NSD1: variants seen among roughly 807,000 people sequenced by gnomAD.
NSD1 encodes the protein histone-lysine N-methyltransferase, H3 lysine-36 specific.
Under a neutral mutation model 242.7 loss-of-function variants are expected in NSD1, and 26 were observed. That is an observed-to-expected ratio of 0.11 (90% CI 0.08 to 0.15). The LOEUF (loss-of-function observed/expected upper bound fraction) is 0.15, where lower values mean the gene tolerates loss of function less well. Among genes scored for constraint, NSD1 ranks in the 10% least tolerant of loss-of-function variants. The pLI, the probability that NSD1 is intolerant of heterozygous loss-of-function variation, is 1.00. For missense variants in NSD1, 2,495 were observed against 3,272.8 expected (o/e 0.76, Z 5.80); for synonymous variants, 1,106 against 1,178.1 (o/e 0.94, Z 1.25).
chr5:177,204,375 A>G, intron 4 of NSD1, 83 bp downstream of exon 4: 2 of 1,320,138 alleles, frequency 1.5e-6, no homozygotes, highest in East Asian at 2.4e-5. Context: ...TATTTTCGAG[A>G]CAGAACTTTG....
chr5:177,230,805 C>T (rs978983988), intron 5 of NSD1, among the ~76,000 whole-genome samples: 12 of 150,482 alleles, frequency 8.0e-5, no homozygotes, highest in Non-Finnish European at 1.6e-4. Flanking sequence ...TCAGCCTGGG[C>T]GACAAAGCGA....
intron 3 of NSD1, among the ~76,000 whole-genome samples, chr5:177,192,467 G>C (rs755763155): frequency 2.6e-5 from 4 of 152,050 alleles, no homozygotes; most frequent in Non-Finnish European, 5.9e-5. Context: ...CGTGATCTCA[G>C]CTTACCGCAA....
At chr5:177,264,106 G>A (rs1425023161) in intron 14 of NSD1, among the ~76,000 whole-genome samples, 1 of 137,206 alleles carries the variant, frequency 7.3e-6, no homozygotes, top group East Asian at 2.0e-4. Flanking sequence ...CGCTATCTTG[G>A]CTCACTGCAA....
At chr5:177,201,411 C>A (rs547582410) in intron 3 of NSD1, among the ~76,000 whole-genome samples, 6 of 152,220 alleles carry the variant, frequency 3.9e-5, no homozygotes, top group Non-Finnish European at 8.8e-5. Flanking sequence ...CAAACTCTTA[C>A]AAGTCTGGTT....
At chr5:177,172,178 A>G (rs1338952637) in intron 2 of NSD1, among the ~76,000 whole-genome samples, 1 of 152,176 alleles carries the variant, frequency 6.6e-6, no homozygotes, top group African/African-American at 2.4e-5. Flanking sequence ...TGATGTCACT[A>G]TAAACACTTT....
intron 2 of NSD1, among the ~76,000 whole-genome samples, chr5:177,186,111 T>C (rs1009098068): frequency 5.7e-5 from 7 of 123,278 alleles, no homozygotes; most frequent in African/African-American, 2.1e-4. Flanking sequence ...TTATATTATA[T>C]GTATATTTAT....
chr5:177,255,385 TA>T (rs1179421966), intron 12 of NSD1, among the ~76,000 whole-genome samples: 1 of 152,118 alleles, frequency 6.6e-6, no homozygotes, highest in Admixed American at 6.6e-5. Flanking sequence ...ATATTGTTCT[TA>T]AAATATTTAT....
rs398124388 is a variant in NSD1 at position 177,295,147 on chromosome 5, C to A, written c.7779C>A (p.Ala2593=). 2 of 1,614,100 alleles carry A rather than the reference C, an allele frequency of 1.2e-6. No homozygotes were observed. The change falls in exon 23 of 23, where the codon GCC becomes GCA. Residue 2593 remains alanine, a synonymous_variant. Coordinates refer to ENST00000439151, the MANE Select transcript of NSD1 (RefSeq NM_022455.5). The surrounding 1 kb of genome is among the most constrained non-coding windows in gnomAD (Gnocchi z 4.3). ...GAGGCCAGCAACTACCTGCACTTGC[C>A]GCCAAGAGTGGGCAATCTTTTAGGT... ...MVGGQQLPAL[A]AKSGQSFRSL...
intron 3 of NSD1, among the ~76,000 whole-genome samples, chr5:177,192,633 C>T (rs758960845): frequency 2.0e-5 from 3 of 152,122 alleles, no homozygotes; most frequent in Non-Finnish European, 2.9e-5. Context: ...CGACCTCAGG[C>T]GATCTGCCTG....
intron 2 of NSD1, among the ~76,000 whole-genome samples, chr5:177,175,515 C>A (rs766614892): frequency 1.3e-5 from 2 of 151,826 alleles, no homozygotes; most frequent in African/African-American, 2.4e-5. Context: ...TTAGTCCCAG[C>A]GACTTGGTGG....
intron 6 of NSD1, among the ~76,000 whole-genome samples, chr5:177,237,046 T>A (rs1339420123): frequency 6.6e-6 from 1 of 152,132 alleles, no homozygotes; most frequent in Non-Finnish European, 1.5e-5. Context: ...TCCCACTATG[T>A]TGCCCTGGCT....
chr5:177,271,329 A>C (rs1259925707), intron 16 of NSD1, among the ~76,000 whole-genome samples: 1 of 152,166 alleles, frequency 6.6e-6, no homozygotes, highest in Non-Finnish European at 1.5e-5. Flanking sequence ...AATCATAATA[A>C]TAATAGTTAG....
At chr5:177,236,502 C>A (rs1057496898) in intron 6 of NSD1, among the ~76,000 whole-genome samples, 1 of 152,202 alleles carries the variant, frequency 6.6e-6, no homozygotes, top group Non-Finnish European at 1.5e-5. Context: ...CATACCAGGA[C>A]TCAATCTAGG....
At chr5:177,230,484 C>A (rs913508973) in intron 5 of NSD1, among the ~76,000 whole-genome samples, 1 of 152,044 alleles carries the variant, frequency 6.6e-6, no homozygotes, top group African/African-American at 2.4e-5. Context: ...TGAGAAGTTA[C>A]TCTATGAGAG....
chr5:177,135,270 C>T lies in NSD1; in HGVS notation c.167C>T (p.Thr56Ile), dbSNP rs773358220. 6.2e-7 allele frequency: 1 copy of T among 1,613,848 alleles called. No individual in the cohort carries two copies. The highest frequency in any genetic ancestry group is 8.5e-7 in the Non-Finnish European group (1 of 1,179,712). Reference protein sequence around the residue: ...CTMQLSTVSGTSQNAYGQDSP... With the variant: ...CTMQLSTVSGISQNAYGQDSP... ...ATGCAGTTATCGACTGTCAGTGGAA[C>T]ATCCCAAAATGCTTATGGACAAGAT... is the stretch of plus-strand genomic sequence containing the variant. Residue 56 changes from threonine (T) to isoleucine (I), a missense_variant, in exon 2 of 23, where the codon ACA (threonine) becomes ATA (isoleucine). Thr to Ile is a moderately conservative substitution (Grantham distance 89, BLOSUM62 -1). Around this residue, in one of 19 missense-constraint regions of NSD1, gnomAD observed 376 missense variants for 367.4 expected, o/e 1.02. Coordinates refer to ENST00000439151, the MANE Select transcript of NSD1 (RefSeq NM_022455.5).
At chr5:177,265,648 G>A in intron 14 of NSD1, 1 of 1,606,220 alleles carries the variant, frequency 6.2e-7, no homozygotes, top group South Asian at 1.1e-5. Flanking sequence ...TGAAGTCCCG[G>A]TCCCAGTTCT....
chr5:177,154,335 G>C (rs1195477078), intron 2 of NSD1, among the ~76,000 whole-genome samples: 1 of 152,102 alleles, frequency 6.6e-6, no homozygotes, highest in African/African-American at 2.4e-5. Flanking sequence ...GGGATAATTG[G>C]GGGCCAGCTT....
intron 5 of NSD1, among the ~76,000 whole-genome samples, chr5:177,228,884 C>A (rs915133724): frequency 2.0e-5 from 3 of 152,092 alleles, no homozygotes; most frequent in African/African-American, 7.2e-5. Context: ...AAATCCATTT[C>A]GGAGCATTTC....
intron 2 of NSD1, among the ~76,000 whole-genome samples, chr5:177,159,022 A>ATATATATATATATATATATATATATATG (rs1215294756): frequency 8.2e-6 from 1 of 121,424 alleles, no homozygotes; most frequent in Non-Finnish European, 1.7e-5. Context: ...ATATATATAT[A>ATATATATATATATATATATATATATATG]TATGAATGAT....
Sources: allele counts gnomAD v4.1 joint callset (sites outside exome capture counted in the v4.1 genomes callset), GRCh38; gene constraint gnomAD v4.1.1; regional missense constraint gnomAD v4.1.1; non-coding constraint Gnocchi (gnomAD v3.1); transcripts MANE v1.5; gene names NCBI Gene and HGNC (gene_info 2026-07-23, HGNC 2026-07-21).